The following NRDE2 variants were observed in gnomAD, a reference collection of about 807,000 sequenced individuals.
NRDE2 encodes nuclear exosome regulator NRDE2.
A neutral mutation model predicts 124.2 loss-of-function variants in NRDE2; 76 were observed. That is an observed-to-expected ratio of 0.61 (90% CI 0.51 to 0.74). NRDE2 has a LOEUF of 0.74. Ranked by LOEUF, NRDE2 falls within the 30% of genes least tolerant of loss-of-function variation. The pLI is 0.00. For missense variants in NRDE2, 1,314 were observed against 1,417.3 expected (o/e 0.93, Z 1.17); for synonymous variants, 489 against 528.1 (o/e 0.93, Z 1.01).
At chr14:90,324,470 G>A (rs1299797325) in intron 1 of NRDE2, among the ~76,000 whole-genome samples, 2 of 152,060 alleles carry the variant, frequency 1.3e-5, no homozygotes, top group Non-Finnish European at 2.9e-5. Context: ...GAGGTCAGGA[G>A]TTTGAGACTA....
In NRDE2 at chr14:90,275,083, T is replaced by C. The variant is rs1207920467; in HGVS notation, c.*3253A>G. On this transcript the variant is annotated 3_prime_UTR_variant, in exon 14 of 14. Coordinates refer to ENST00000354366, the MANE Select transcript of NRDE2 (RefSeq NM_017970.4). ...AAGATGCTTAGCCTGAATCCAGTGC[T>C]GAGGAAACACCAGGCAAACACAAAC... is the stretch of plus-strand genomic sequence containing the variant. 6.6e-6 allele frequency: 1 copy of C among 152,216 alleles called. No individual in the cohort carries two copies. The highest frequency in any genetic ancestry group is 2.4e-5 in the African/African-American group (1 of 41,442). 9.4% of individuals were successfully genotyped at this position (152,216 alleles called of 1,614,324 possible). A position where few individuals can be genotyped will look rare whatever the true frequency, so the allele number is the denominator to read the frequency against.
At chr14:90,305,530 A>G (rs1884565753) in intron 4 of NRDE2, among the ~76,000 whole-genome samples, 1 of 152,256 alleles carries the variant, frequency 6.6e-6, no homozygotes, top group African/African-American at 2.4e-5. Flanking sequence ...CCACGTGTCC[A>G]TCAATAGAAG....
In NRDE2 at chr14:90,304,382, T is replaced by A. The variant is rs1464043136; in HGVS notation, c.558A>T (p.Arg186Ser). 1.3e-6 allele frequency: 2 copies of A among 1,585,196 alleles called. No individual in the cohort carries two copies. The highest frequency in any genetic ancestry group is 8.6e-7 in the Non-Finnish European group (1 of 1,168,338). Residue 186 changes from arginine to serine, a missense_variant and splice_region_variant, in exon 5 of 14, where the codon AGA (arginine) becomes AGT (serine). Arg to Ser is a moderately radical substitution (Grantham distance 110, BLOSUM62 -1). Transcript: ENST00000354366. ...GGCAGGAGTCTCCTTTCCTCTTGTA[T>A]CTGATATTAGAAAAAGAAAAAAAGT... The part of the protein sequence containing the change: ...YKSLYRGDIA[R>S]YKRKGDSCLG...
chr14:90,312,616 A>G, intron 3 of NRDE2, 73 bp from the exon 4 acceptor site: 5 of 1,482,682 alleles, frequency 3.4e-6, no homozygotes, highest in Non-Finnish European at 4.7e-6. Context: ...TGGCATTTTC[A>G]GCAATATGAG....
chr14:90,324,506 T>C (rs753205777), intron 1 of NRDE2, among the ~76,000 whole-genome samples: 2 of 151,730 alleles, frequency 1.3e-5, no homozygotes, highest in Non-Finnish European at 2.9e-5. Flanking sequence ...TGAAACCCCA[T>C]CTCTACTAGA....
chr14:90,310,368 C>G (rs956529719), intron 4 of NRDE2, among the ~76,000 whole-genome samples: 3 of 152,208 alleles, frequency 2.0e-5, no homozygotes, highest in African/African-American at 4.8e-5. Context: ...CTTAACCTCT[C>G]TGCGATTCCT....
intron 1 of NRDE2, among the ~76,000 whole-genome samples, chr14:90,326,180 T>C (rs1335920250): frequency 6.6e-6 from 1 of 150,998 alleles, no homozygotes; most frequent in East Asian, 2.0e-4. Context: ...TAAGGTAAAA[T>C]GCAGAATAGT....
chr14:90,291,630 C>T (rs1236733505), intron 9 of NRDE2, among the ~76,000 whole-genome samples: 1 of 152,204 alleles, frequency 6.6e-6, no homozygotes, highest in Non-Finnish European at 1.5e-5. Flanking sequence ...CAGGTAAGTA[C>T]CCTCTCCAAG....
intron 6 of NRDE2, 70 bp downstream of exon 6, chr14:90,302,650 C>A: frequency 1.4e-6 from 2 of 1,403,212 alleles, no homozygotes; most frequent in Non-Finnish European, 1.9e-6. Flanking sequence ...AAAAATAGAT[C>A]TTCATTTTCA....
intron 1 of NRDE2, among the ~76,000 whole-genome samples, chr14:90,330,937 CTT>C (rs200649143): frequency 6.8e-6 from 1 of 146,948 alleles, no homozygotes. Context: ...ACTTTTTTTT[CTT>C]TTTTTTTTAG....
chr14:90,288,417 T>TG lies in NRDE2; in HGVS notation c.2957dup (p.Leu987ThrfsTer24), dbSNP rs1892169537. The TG allele has an allele frequency of 1.9e-6, 3 of 1,613,912 alleles. No individual in the cohort carries two copies. Among genetic ancestry groups the TG allele is most frequent in the Non-Finnish European group, 2.5e-6 (3 of 1,180,012 alleles). On this transcript the variant is annotated frameshift_variant, in exon 11 of 14. Coordinates refer to ENST00000354366, the MANE Select transcript of NRDE2 (RefSeq NM_017970.4). LOFTEE classifies it high-confidence loss of function. ...GATACAACTTTAAAGCCTGTGAGAG[T>TG]GCCTCTCGCAGAGGGGCCAGCGGGT...
At chr14:90,293,778 T>C (rs1184039616) in intron 8 of NRDE2, among the ~76,000 whole-genome samples, 1 of 152,236 alleles carries the variant, frequency 6.6e-6, no homozygotes, top group Admixed American at 6.5e-5. Context: ...TTTCACTTTG[T>C]TTCCTAACTC....
chr14:90,289,291 C>T, intron 10 of NRDE2, 146 bp from the exon 11 acceptor site: 1 of 646,298 alleles, frequency 1.5e-6, no homozygotes. Flanking sequence ...GCTCTCTGAG[C>T]TGGAAAAGAA....
In NRDE2 at chr14:90,271,006, TC is replaced by T. The variant is rs1167249267; in HGVS notation, c.*7329del. On this transcript the variant is annotated 3_prime_UTR_variant, in exon 14 of 14. Transcript: ENST00000354366. ...GCAGTTAGTCCTAGAGAACTAGATG[TC>T]TCTGTTGGCAAGTAAAATCTATCTT... The T allele has an allele frequency of 5.8e-4, 89 of 152,338 alleles. No homozygotes were observed. The highest frequency in any genetic ancestry group is 1.9e-3 in the African/African-American group (79 of 41,560). 9.4% of individuals were successfully genotyped at this position (152,338 alleles called of 1,614,324 possible). A position where few individuals can be genotyped will look rare whatever the true frequency, so the allele number is the denominator to read the frequency against.
chr14:90,299,030 G>T (rs1466977788), intron 7 of NRDE2, among the ~76,000 whole-genome samples: 1 of 151,904 alleles, frequency 6.6e-6, no homozygotes. Context: ...CGACCAGGGA[G>T]TAAAAAGGTC....
At position 90,270,774 on chromosome 14, in the gene NRDE2, G is replaced by A. The variant is rs1199967475; in HGVS notation, c.*7562C>T. ...AAGGTTGTACCAGATTATACTTCTTGGTTTTATGACAAATGTACATGAGTT... is the reference window on the plus strand; with the variant it reads ...AAGGTTGTACCAGATTATACTTCTTAGTTTTATGACAAATGTACATGAGTT... On this transcript the variant is annotated 3_prime_UTR_variant, in exon 14 of 14. Transcript: ENST00000354366. The A allele has an allele frequency of 2.6e-5, 4 of 155,066 alleles. No homozygotes were observed. Among genetic ancestry groups the A allele is most frequent in the African/African-American group, 9.6e-5 (4 of 41,562 alleles). 9.6% of individuals were successfully genotyped at this position (155,066 alleles called of 1,614,324 possible). A position where few individuals can be genotyped will look rare whatever the true frequency, so the allele number is the denominator to read the frequency against.
chr14:90,299,546 G>C (rs1434731509), intron 7 of NRDE2, among the ~76,000 whole-genome samples: 1 of 152,198 alleles, frequency 6.6e-6, no homozygotes, highest in Non-Finnish European at 1.5e-5. Context: ...CTCAGTGAAA[G>C]CTTTTGTAAG....
chr14:90,283,068 GCCTTCCC>G (rs918840333), intron 12 of NRDE2, among the ~76,000 whole-genome samples: 8 of 152,160 alleles, frequency 5.3e-5, no homozygotes, highest in African/African-American at 1.9e-4. Flanking sequence ...GGGAGCCTTA[GCCTTCCC>G]CCCGGCCTGC....
intron 6 of NRDE2, 106 bp from the exon 7 acceptor site, chr14:90,301,478 T>A: frequency 1.0e-6 from 1 of 953,336 alleles, no homozygotes; most frequent in South Asian, 1.5e-5. Flanking sequence ...ACCTTTCACC[T>A]GCAATCACTA....
Sources: gnomAD v4.1 joint callset for allele counts (sites outside exome capture counted in the v4.1 genomes callset) on GRCh38, gnomAD v4.1.1 for gene constraint, MANE v1.5 for transcripts, NCBI Gene and HGNC (gene_info 2026-07-23, HGNC 2026-07-21) for gene names.